The following SCLY variants were observed in gnomAD, a reference collection of about 807,000 sequenced individuals.
The protein encoded by SCLY is putative selenocysteine lyase.
A neutral mutation model predicts 50.1 loss-of-function variants in SCLY; 38 were observed. That is an observed-to-expected ratio of 0.76 (90% CI 0.59 to 0.99). The LOEUF is 0.99. SCLY is among the 50% of genes least tolerant of loss of function. The pLI, the probability that SCLY is intolerant of heterozygous loss-of-function variation, is 0.00. For missense variants in SCLY, 600 were observed against 620.0 expected (o/e 0.97, Z 0.34); for synonymous variants, 243 against 249.4 (o/e 0.97, Z 0.24).
chr2:238,094,676 C>T (rs1165417369), intron 10 of SCLY, 154 bp downstream of exon 10: 6 of 649,168 alleles, frequency 9.2e-6, no homozygotes, highest in African/African-American at 1.8e-5. Flanking sequence ...AGAGCAGGCT[C>T]GGGTGGCTGT....
At chr2:238,087,487 C>T (rs535125903) in intron 7 of SCLY, among the ~76,000 whole-genome samples, 1 of 152,282 alleles carries the variant, frequency 6.6e-6, no homozygotes, top group East Asian at 1.9e-4. Context: ...GCTCTATAAC[C>T]ATTAGGAAAT....
chr2:238,098,313 G>T lies in SCLY; in HGVS notation c.1296G>T (p.Gln432His). 1 of 1,607,388 alleles carries T rather than the reference G, an allele frequency of 6.2e-7. No individual in the cohort carries two copies. Reference protein sequence around the residue: ...TTRAEVDLVVQDLKQAVAQLE... With the variant: ...TTRAEVDLVVHDLKQAVAQLE... ...GGGCCGAGGTGGACCTCGTCGTGCA[G>T]GACCTGAAGCAGGCCGTGGCGCAGC... is the stretch of plus-strand genomic sequence containing the variant. The change falls in exon 12 of 12, where the codon CAG (glutamine) becomes CAT (histidine). Residue 432 changes from glutamine to histidine, a missense_variant. Physicochemically the swap from Gln to His is conservative, Grantham distance 24. Coordinates refer to ENST00000254663, the MANE Select transcript of SCLY (RefSeq NM_016510.7).
intron 10 of SCLY, among the ~76,000 whole-genome samples, chr2:238,096,585 A>C (rs1368342345): frequency 6.6e-6 from 1 of 152,274 alleles, no homozygotes; most frequent in African/African-American, 2.4e-5. Flanking sequence ...GTGAGGCAGA[A>C]TAGTGTCTGC....
At chr2:238,064,979 T>C (rs1193356642) in intron 2 of SCLY, 1 of 152,232 alleles carries the variant, frequency 6.6e-6, no homozygotes, top group African/African-American at 2.4e-5. Context: ...AAGAATTTGC[T>C]TCAAGTCAGT....
chr2:238,091,557 A>ATT, intron 8 of SCLY: 1 of 332,200 alleles, frequency 3.0e-6, no homozygotes, highest in South Asian at 3.7e-5. Flanking sequence ...CACCATTCCC[A>ATT]AAGGCGTCGG....
At chr2:238,093,348 G>A (rs2106455067) in intron 8 of SCLY, 1 of 160,104 alleles carries the variant, frequency 6.2e-6, no homozygotes, top group Admixed American at 6.0e-5. Context: ...GGGCCTGCAG[G>A]GCCTGTCGAT....
At chr2:238,061,430 G>A (rs2065017359) in intron 1 of SCLY, 3 of 575,152 alleles carry the variant, frequency 5.2e-6, no homozygotes, top group South Asian at 5.0e-5. Context: ...CCAGGAAGAG[G>A]GCACAGCAGA....
At chr2:238,094,769 G>A (rs1364872726) in intron 10 of SCLY, 7 of 458,306 alleles carry the variant, frequency 1.5e-5, no homozygotes, top group Non-Finnish European at 2.3e-5. Flanking sequence ...GTGGACTGTG[G>A]CAAACTCTCG....
chr2:238,094,316 A>G, intron 9 of SCLY, 104 bp from the exon 10 acceptor site: 1 of 935,766 alleles, frequency 1.1e-6, no homozygotes, highest in Non-Finnish European at 1.7e-6. Context: ...ATTGAAAAGT[A>G]TGCACCTGCT....
At chr2:238,068,497 T>C (rs1364169893) in intron 3 of SCLY, among the ~76,000 whole-genome samples, 1 of 152,140 alleles carries the variant, frequency 6.6e-6, no homozygotes, top group African/African-American at 2.4e-5. Flanking sequence ...TGCAGTGAGC[T>C]ATGATCACGC....
At chr2:238,081,529 G>A (rs1429077375) in intron 4 of SCLY, 180 bp from the exon 5 acceptor site, 20 of 736,928 alleles carry the variant, frequency 2.7e-5, no homozygotes, top group Non-Finnish European at 4.3e-5. Flanking sequence ...TCACACTGAA[G>A]CACCTGACAG....
rs376088932 is a variant in SCLY, at chr2:238,096,928, G to A, written c.1184+52G>A. ...AGGGCATAGGGGTCCTCCGGGCACT[G>A]GGTGTGGTGGGCAGGCGGCAGGATC... On this transcript the variant is annotated intron_variant, in intron 11 of 11. Transcript: ENST00000254663. 6.0e-6 allele frequency: 9 copies of A among 1,496,588 alleles called. No homozygotes were observed. In the African/African-American group the frequency reaches 9.7e-5, roughly 16 times the overall value. 92.7% of individuals were successfully genotyped at this position (1,496,588 alleles called of 1,614,324 possible). A position where few individuals can be genotyped will look rare whatever the true frequency, so the allele number is the denominator to read the frequency against.
At chr2:238,062,680 G>A (rs933046715) in intron 1 of SCLY, among the ~76,000 whole-genome samples, 4 of 152,232 alleles carry the variant, frequency 2.6e-5, no homozygotes, top group Admixed American at 6.5e-5. Context: ...CCAAAGTGCC[G>A]GGATTACAGG....
At chr2:238,096,589 T>C (rs983152432) in intron 10 of SCLY, among the ~76,000 whole-genome samples, 2 of 152,242 alleles carry the variant, frequency 1.3e-5, no homozygotes, top group Non-Finnish European at 2.9e-5. Context: ...GGCAGAATAG[T>C]GTCTGCGTTT....
intron 4 of SCLY, among the ~76,000 whole-genome samples, chr2:238,072,193 A>G (rs546000105): frequency 5.6e-4 from 85 of 152,224 alleles, no homozygotes; most frequent in African/African-American, 1.9e-3. Flanking sequence ...AATGTTTTCA[A>G]GGTTCACTCA....
At position 238,064,653 on chromosome 2, in the gene SCLY, C is replaced by G; in HGVS notation, c.202+184C>G. On this transcript the variant is annotated intron_variant, in intron 2 of 11. Coordinates refer to ENST00000254663, the MANE Select transcript of SCLY (RefSeq NM_016510.7). ...GCCCCATTTGTAAGCTGAGCCTTGT[C>G]GATACTGTAATCTTTAACCTTTAAT... The G allele has an allele frequency of 6.4e-6, 3 of 467,226 alleles. No individual in the cohort carries two copies. The South Asian group carries it at 8.0e-5, about 12-fold the overall frequency. 28.9% of individuals were successfully genotyped at this position (467,226 alleles called of 1,614,324 possible).
rs774445149 is a variant in SCLY, at chr2:238,083,346, C to T, written c.876C>T (p.Phe292=). The T allele has an allele frequency of 5.0e-6, 8 of 1,608,082 alleles. No individual in the cohort carries two copies. Among genetic ancestry groups the T allele is most frequent in the Non-Finnish European group, 6.8e-6 (8 of 1,174,462 alleles). The change falls in exon 7 of 12, where the codon TTC becomes TTT. Residue 292 remains phenylalanine (F), a synonymous_variant. Transcript: ENST00000254663. This position sits in a 1 kb window ranked among gnomAD's most constrained non-coding sequence, Gnocchi z 4.3. ...MLFGGGQERN[F]RPGTENTPMI... ...TTGGAGGTGGACAAGAACGGAATTTCAGGCCAGGGTAAGGCAGAAAGTTAA... is the reference window on the plus strand; with the variant it reads ...TTGGAGGTGGACAAGAACGGAATTTTAGGCCAGGGTAAGGCAGAAAGTTAA...
intron 4 of SCLY, chr2:238,073,701 T>C (rs569892436): frequency 2.2e-6 from 1 of 464,550 alleles, no homozygotes; most frequent in African/African-American, 2.0e-5. Flanking sequence ...ACTCTGTGGG[T>C]CTACTTATAT....
intron 10 of SCLY, 90 bp downstream of exon 10, chr2:238,094,612 C>T: frequency 2.7e-6 from 3 of 1,110,864 alleles, no homozygotes; most frequent in Non-Finnish European, 4.1e-6. Flanking sequence ...CCCACTCGCC[C>T]TGCCCTGAGC....
Sources: allele counts gnomAD v4.1 joint callset (sites outside exome capture counted in the v4.1 genomes callset), GRCh38; gene constraint gnomAD v4.1.1; non-coding constraint Gnocchi (gnomAD v3.1); transcripts MANE v1.5; gene names NCBI Gene and HGNC (gene_info 2026-07-23, HGNC 2026-07-21).